TBC1D15: variants seen among roughly 807,000 people sequenced by gnomAD.
The protein encoded by TBC1D15 is GAP for RAB7.
In TBC1D15, 39 loss-of-function variants were observed where a neutral mutation model predicts 95.4. The ratio of observed to expected loss-of-function variants is 0.41; its 90% CI spans 0.32 to 0.53. The LOEUF (loss-of-function observed/expected upper bound fraction) is 0.53, where lower values mean the gene tolerates loss of function less well. Ranked by LOEUF, TBC1D15 falls within the 20% of genes least tolerant of loss-of-function variation. The probability of loss-of-function intolerance (pLI) is 0.29; values close to 1 mark genes in which losing one functional copy is unlikely to be tolerated. For missense variants in TBC1D15, 733 were observed against 794.3 expected (o/e 0.92, Z 0.93); for synonymous variants, 258 against 261.3 (o/e 0.99, Z 0.12).
intron 1 of TBC1D15, among the ~76,000 whole-genome samples, chr12:71,864,804 C>T (rs1269448353): frequency 6.6e-6 from 1 of 152,088 alleles, no homozygotes; most frequent in Non-Finnish European, 1.5e-5. Flanking sequence ...CGTGCCCGGC[C>T]TACCTACAGT....
rs1279522032 is a variant in TBC1D15, at chr12:71,923,580, C to G, written c.*376C>G. 1 of 175,458 alleles carries G rather than the reference C, an allele frequency of 5.7e-6. No individual in the cohort carries two copies. Among genetic ancestry groups the G allele is most frequent in the Admixed American group, 5.8e-5 (1 of 17,344 alleles). 10.9% of individuals were successfully genotyped at this position (175,458 alleles called of 1,614,324 possible). A position where few individuals can be genotyped will look rare whatever the true frequency, so the allele number is the denominator to read the frequency against. On this transcript the variant is annotated 3_prime_UTR_variant, in exon 17 of 17. Coordinates refer to ENST00000485960, the MANE Select transcript of TBC1D15 (RefSeq NM_001146213.3). ...TGATTAAATTAAATGTGGAGGCTTT[C>G]TATAGCATTCTAAGCTGAGAAGTAG...
At chr12:71,858,901 T>C (rs1051777956) in intron 1 of TBC1D15, among the ~76,000 whole-genome samples, 1 of 152,050 alleles carries the variant, frequency 6.6e-6, no homozygotes, top group Non-Finnish European at 1.5e-5. Context: ...TTTTCAGTAG[T>C]GCTTGTACCA....
chr12:71,843,296 A>G (rs1438045785), intron 1 of TBC1D15, among the ~76,000 whole-genome samples: 2 of 152,172 alleles, frequency 1.3e-5, no homozygotes, highest in African/African-American at 4.8e-5. Context: ...ACTTGAAACA[A>G]TAGGGAAATC....
chr12:71,840,679 A>G (rs1266897340), intron 1 of TBC1D15, among the ~76,000 whole-genome samples: 1 of 152,186 alleles, frequency 6.6e-6, no homozygotes, highest in Non-Finnish European at 1.5e-5. Context: ...ATCGAACACT[A>G]ATGGTTGTTT....
chr12:71,859,141 C>T (rs909153673), intron 1 of TBC1D15, among the ~76,000 whole-genome samples: 3 of 151,506 alleles, frequency 2.0e-5, no homozygotes, highest in South Asian at 2.1e-4. Context: ...TTTTTGTCAT[C>T]GTCATTTTTA....
At position 71,918,432 on chromosome 12, in the gene TBC1D15, GT is replaced by G. The variant is rs751515410; in HGVS notation, c.1502-12del. The G allele has an allele frequency of 8.6e-6, 13 of 1,507,484 alleles. No homozygotes were observed. The East Asian group carries it at 2.3e-4, about 26-fold the overall frequency. The allele number at this position is 1,507,484 out of a possible 1,614,324, so 93.4% of individuals were successfully genotyped here. On this transcript the variant is annotated intron_variant, in intron 13 of 16. Coordinates refer to ENST00000485960, the MANE Select transcript of TBC1D15 (RefSeq NM_001146213.3). The stretch of plus-strand genomic sequence containing the variant: ...TAGCATAAGAGTAAGTCATATGTGT[GT>G]TTTTTTCTTCTGCATAGAATCTCAG...
At chr12:71,898,086 A>G in intron 10 of TBC1D15, 145 bp downstream of exon 10, 1 of 561,538 alleles carries the variant, frequency 1.8e-6, no homozygotes, top group Admixed American at 3.4e-5. Context: ...TGTGTGTTTA[A>G]TGTTCTTTGT....
At chr12:71,921,152 A>C (rs1869148492) in intron 15 of TBC1D15, among the ~76,000 whole-genome samples, 1 of 152,216 alleles carries the variant, frequency 6.6e-6, no homozygotes, top group Admixed American at 6.5e-5. Context: ...TGCTGGATTT[A>C]ATGTTCCATA....
intron 1 of TBC1D15, among the ~76,000 whole-genome samples, chr12:71,864,539 G>A (rs1174368083): frequency 2.7e-5 from 4 of 149,498 alleles, no homozygotes; most frequent in South Asian, 2.1e-4. Flanking sequence ...ATGGAGTCTC[G>A]CTCTGTTGCC....
intron 15 of TBC1D15, among the ~76,000 whole-genome samples, 166 bp from the exon 16 acceptor site, chr12:71,921,202 T>C (rs17110426): frequency 0.089 from 13,574 of 152,232 alleles, 685 homozygotes; most frequent in East Asian, 0.16. Context: ...CTTGAAATAA[T>C]CTAAAGAAAG....
At chr12:71,915,007 A>G (rs987916771) in intron 12 of TBC1D15, among the ~76,000 whole-genome samples, 4 of 152,024 alleles carry the variant, frequency 2.6e-5, no homozygotes, top group Non-Finnish European at 5.9e-5. Flanking sequence ...TAGATTTAAA[A>G]TGTTCTTTTA....
intron 1 of TBC1D15, among the ~76,000 whole-genome samples, chr12:71,862,674 C>T (rs936361047): frequency 5.9e-5 from 9 of 152,176 alleles, no homozygotes; most frequent in African/African-American, 2.2e-4. Context: ...TTATTCCTCT[C>T]ATTTCGTTAA....
At chr12:71,913,690 G>A (rs1902988682) in intron 11 of TBC1D15, 136 bp from the exon 12 acceptor site, 2 of 590,792 alleles carry the variant, frequency 3.4e-6, no homozygotes, top group South Asian at 2.0e-5. Context: ...TTTTCTTGGT[G>A]AACATCAGTG....
intron 10 of TBC1D15, among the ~76,000 whole-genome samples, chr12:71,900,568 A>G (rs753988846): frequency 6.6e-6 from 1 of 152,114 alleles, no homozygotes; most frequent in Non-Finnish European, 1.5e-5. Context: ...TCATACACTC[A>G]TTCATTCTTT....
intron 2 of TBC1D15, 33 bp from the exon 3 acceptor site, chr12:71,872,896 A>T (rs746957411): frequency 6.8e-7 from 1 of 1,463,354 alleles, no homozygotes; most frequent in African/African-American, 1.4e-5. Context: ...ATATTGCTGA[A>T]TATTAAATAT....
At chr12:71,913,965 A>C in intron 12 of TBC1D15, 39 bp downstream of exon 12, 1 of 1,456,954 alleles carries the variant, frequency 6.9e-7, no homozygotes, top group Non-Finnish European at 9.4e-7. Context: ...TGATTTTTAA[A>C]ATTTTAGTTG....
chr12:71,918,712 C>T (rs73336886), intron 14 of TBC1D15, among the ~76,000 whole-genome samples, 164 bp downstream of exon 14: 4,176 of 152,230 alleles, frequency 0.027, 195 homozygotes, highest in African/African-American at 0.094. Context: ...TAGTTTCACA[C>T]TGAATATTTG....
intron 1 of TBC1D15, among the ~76,000 whole-genome samples, chr12:71,850,984 C>CAAAAAAAAAAAAAA (rs1206992856): frequency 2.1e-5 from 1 of 46,962 alleles, no homozygotes; most frequent in Non-Finnish European, 4.3e-5. Context: ...CACTCCATCT[C>CAAAAAAAAAAAAAA]AAAAAAAAAA....
chr12:71,921,996 C>G (rs1219833404), intron 16 of TBC1D15, among the ~76,000 whole-genome samples: 1 of 152,174 alleles, frequency 6.6e-6, no homozygotes, highest in Non-Finnish European at 1.5e-5. Flanking sequence ...CCAAGCTGGC[C>G]TTGAACTCCT....
Sources: allele counts gnomAD v4.1 joint callset (sites outside exome capture counted in the v4.1 genomes callset), GRCh38; gene constraint gnomAD v4.1.1; transcripts MANE v1.5; gene names NCBI Gene and HGNC (gene_info 2026-07-23, HGNC 2026-07-21).